Variants in KIAA1217 observed in about 807,000 individuals in gnomAD.
KIAA1217 encodes the protein sickle tail protein homolog.
A neutral mutation model predicts 163.9 loss-of-function variants in KIAA1217; 88 were observed. The ratio of observed to expected loss-of-function variants is 0.54; its 90% CI spans 0.45 to 0.64. KIAA1217 has a LOEUF of 0.64. KIAA1217 is among the 30% of genes least tolerant of loss of function. KIAA1217 has a pLI of 0.00. For synonymous variants in KIAA1217, 903 were observed against 923.1 expected, an observed-to-expected ratio of 0.98 and a Z score of 0.39; for missense variants, 2,372 against 2,475.0, an observed-to-expected ratio of 0.96 and a Z score of 0.88.
At chr10:24,389,174 G>A (rs1243234439) in intron 3 of KIAA1217, among the ~76,000 whole-genome samples, 1 of 152,150 alleles carries the variant, frequency 6.6e-6, no homozygotes. Flanking sequence ...ATGATAGACT[G>A]GATTAAGAAA....
chr10:23,970,068 C>G (rs772564250), intron 1 of KIAA1217, among the ~76,000 whole-genome samples: 19 of 152,326 alleles, frequency 1.2e-4, no homozygotes, highest in South Asian at 6.2e-4. Flanking sequence ...CCCACCAGGT[C>G]TCTCCCACAC....
chr10:24,541,106 T>A (rs914242386), intron 17 of KIAA1217, among the ~76,000 whole-genome samples: 2 of 151,440 alleles, frequency 1.3e-5, no homozygotes, highest in African/African-American at 2.4e-5. Context: ...TGTGATGGAG[T>A]CTTTGCCATG....
chr10:24,283,860 A>G (rs1425638612), intron 2 of KIAA1217, among the ~76,000 whole-genome samples: 3 of 151,478 alleles, frequency 2.0e-5, no homozygotes, highest in South Asian at 2.1e-4. Context: ...TTAATTTGCA[A>G]TTCCTTAATA....
At chr10:23,992,324 T>C (rs906894609) in intron 1 of KIAA1217, among the ~76,000 whole-genome samples, 4 of 152,110 alleles carry the variant, frequency 2.6e-5, no homozygotes, top group South Asian at 2.1e-4. Context: ...GAAATAGAAA[T>C]GGTGAGGCTT....
At chr10:23,875,192 C>G (rs927136607) in intron 1 of KIAA1217, among the ~76,000 whole-genome samples, 30 of 145,446 alleles carry the variant, frequency 2.1e-4, no homozygotes, top group African/African-American at 7.3e-4. Context: ...CACTGAAGAT[C>G]ACATTTTAAC....
At chr10:23,968,213 A>G (rs570565535) in intron 1 of KIAA1217, among the ~76,000 whole-genome samples, 1 of 152,304 alleles carries the variant, frequency 6.6e-6, no homozygotes, top group Non-Finnish European at 1.5e-5. Flanking sequence ...TCTATATTGC[A>G]TCAAAGGCAA....
intron 5 of KIAA1217, among the ~76,000 whole-genome samples, chr10:24,457,066 G>C (rs1294619337): frequency 3.9e-5 from 6 of 152,088 alleles, no homozygotes; most frequent in Non-Finnish European, 8.8e-5. Flanking sequence ...GTGTGTTGGA[G>C]GAAACGTCAT....
chr10:24,067,857 C>G (rs554610246), intron 2 of KIAA1217, among the ~76,000 whole-genome samples: 3 of 152,242 alleles, frequency 2.0e-5, no homozygotes, highest in Non-Finnish European at 2.9e-5. Context: ...TGCCCCTCCC[C>G]CAGCCTCACT....
chr10:23,999,303 G>A (rs370819436), intron 1 of KIAA1217, among the ~76,000 whole-genome samples: 21 of 152,276 alleles, frequency 1.4e-4, no homozygotes, highest in African/African-American at 4.8e-4. Context: ...CAGGACCTGG[G>A]ATAGGAGACA....
chr10:23,980,632 T>G (rs1845724164), intron 1 of KIAA1217, among the ~76,000 whole-genome samples: 1 of 152,164 alleles, frequency 6.6e-6, no homozygotes, highest in Non-Finnish European at 1.5e-5. Context: ...CCAATTCCTC[T>G]TTCCACCAGC....
At chr10:24,541,649 G>C (rs1176077812) in intron 17 of KIAA1217, among the ~76,000 whole-genome samples, 2 of 152,186 alleles carry the variant, frequency 1.3e-5, no homozygotes, top group African/African-American at 2.4e-5. Context: ...GGCATCACTA[G>C]TGTTAGTGTT....
intron 1 of KIAA1217, among the ~76,000 whole-genome samples, chr10:23,970,200 G>A (rs897932501): frequency 2.0e-5 from 3 of 152,098 alleles, no homozygotes; most frequent in African/African-American, 7.2e-5. Context: ...TGTATTAGAG[G>A]TCAAATGCAA....
intron 3 of KIAA1217, among the ~76,000 whole-genome samples, chr10:24,414,023 A>C (rs2058030711): frequency 6.6e-6 from 1 of 152,226 alleles, no homozygotes; most frequent in African/African-American, 2.4e-5. Flanking sequence ...ATATTTCTAG[A>C]GTAAATGAAA....
At chr10:24,344,539 A>G (rs971420710) in intron 2 of KIAA1217, among the ~76,000 whole-genome samples, 6 of 152,224 alleles carry the variant, frequency 3.9e-5, no homozygotes, top group African/African-American at 1.4e-4. Context: ...TTATTGGGGA[A>G]TGTGGAAACC....
intron 1 of KIAA1217, among the ~76,000 whole-genome samples, chr10:23,935,186 G>A (rs899424338): frequency 2.6e-5 from 4 of 152,168 alleles, no homozygotes; most frequent in African/African-American, 9.6e-5. Flanking sequence ...GAAAGTGATG[G>A]CACCTTCCGT....
intron 1 of KIAA1217, chr10:24,007,203 C>T (rs1847041266): frequency 6.6e-6 from 1 of 151,388 alleles, no homozygotes; most frequent in South Asian, 2.1e-4. Context: ...GGAACAATTC[C>T]ATTATGACTT....
At chr10:24,151,836 C>T (rs1221208085) in intron 2 of KIAA1217, among the ~76,000 whole-genome samples, 1 of 151,954 alleles carries the variant, frequency 6.6e-6, no homozygotes, top group African/African-American at 2.4e-5. Context: ...AACTGAGGGC[C>T]AGATGGGATG....
intron 3 of KIAA1217, among the ~76,000 whole-genome samples, chr10:24,398,696 C>T (rs569449443): frequency 1.3e-5 from 2 of 152,006 alleles, no homozygotes; most frequent in South Asian, 2.1e-4. Flanking sequence ...ATGGGCCGCC[C>T]GCATGCACAG....
intron 2 of KIAA1217, among the ~76,000 whole-genome samples, chr10:24,346,450 G>A (rs1168306088): frequency 6.6e-6 from 1 of 151,708 alleles, no homozygotes; most frequent in Admixed American, 6.6e-5. Context: ...CCAGCCTGGG[G>A]GACAGAGCGA....
Sources: gnomAD v4.1 joint callset for allele counts (sites outside exome capture counted in the v4.1 genomes callset) on GRCh38, gnomAD v4.1.1 for gene constraint, MANE v1.5 for transcripts, NCBI Gene and HGNC (gene_info 2026-07-23, HGNC 2026-07-21) for gene names.